The following THSD4 variants were observed in gnomAD, a reference collection of about 807,000 sequenced individuals.
THSD4 encodes the protein thrombospondin type 1 domain containing 4, also known as thrombospondin type-1 domain-containing protein 4.
Under a neutral mutation model 119.0 loss-of-function variants are expected in THSD4, and 69 were observed. That is an observed-to-expected ratio of 0.58 (90% CI 0.48 to 0.71). THSD4 has a LOEUF of 0.71. THSD4 is among the 30% of genes least tolerant of loss of function. THSD4 has a pLI of 0.00. For synonymous variants in THSD4, 524 were observed against 540.4 expected (o/e 0.97, Z 0.42); for missense variants, 1,393 against 1,391.1 (o/e 1.00, Z -0.02).
intron 3 of THSD4, among the ~76,000 whole-genome samples, chr15:71,181,545 C>T (rs1596250877): frequency 6.6e-6 from 1 of 152,194 alleles, no homozygotes; most frequent in African/African-American, 2.4e-5. Flanking sequence ...TGACTTCTTT[C>T]TGAGTATGCT....
chr15:71,225,539 C>CTTTTTTTTT (rs1040381361), intron 4 of THSD4, among the ~76,000 whole-genome samples: 3 of 105,384 alleles, frequency 2.8e-5, no homozygotes, highest in African/African-American at 1.0e-4. Flanking sequence ...TTTTCTTTTT[C>CTTTTTTTTT]TTTTTTTTTT....
chr15:71,503,234 A>G (rs1053884292), intron 7 of THSD4, among the ~76,000 whole-genome samples: 1 of 152,144 alleles, frequency 6.6e-6, no homozygotes, highest in African/African-American at 2.4e-5. Flanking sequence ...ATTGGGAATG[A>G]TCCTGGCATG....
At chr15:71,672,500 C>G (rs1022388710) in intron 8 of THSD4, among the ~76,000 whole-genome samples, 5 of 152,154 alleles carry the variant, frequency 3.3e-5, no homozygotes, top group African/African-American at 1.2e-4. Flanking sequence ...GCCTGATTGC[C>G]CTGGCCAGAA....
chr15:71,305,316 G>A (rs973985393), intron 6 of THSD4, among the ~76,000 whole-genome samples: 3 of 152,198 alleles, frequency 2.0e-5, no homozygotes, highest in Admixed American at 2.0e-4. Flanking sequence ...CTGTAAGGAT[G>A]GAATGGTAGA....
intron 8 of THSD4, among the ~76,000 whole-genome samples, chr15:71,713,786 A>G (rs115048725): frequency 2.2e-3 from 338 of 152,298 alleles, no homozygotes; most frequent in African/African-American, 7.9e-3. Context: ...TAGATTAGAA[A>G]TGATTAAGAT....
chr15:71,382,099 T>G (rs1256719212), intron 6 of THSD4, among the ~76,000 whole-genome samples: 4 of 152,084 alleles, frequency 2.6e-5, no homozygotes, highest in African/African-American at 9.7e-5. Context: ...GACAATAAGG[T>G]ATTTTAAGGA....
intron 6 of THSD4, among the ~76,000 whole-genome samples, chr15:71,266,838 G>A (rs781197696): frequency 6.6e-5 from 10 of 151,806 alleles, no homozygotes; most frequent in Non-Finnish European, 1.3e-4. Context: ...TAGCTGAATT[G>A]ATCAAGCAGA....
intron 7 of THSD4, among the ~76,000 whole-genome samples, chr15:71,508,142 T>A (rs1160320982): frequency 1.3e-5 from 2 of 152,120 alleles, no homozygotes; most frequent in African/African-American, 4.8e-5. Flanking sequence ...GACAAGTAAT[T>A]CATATAGCTC....
At chr15:71,409,310 C>T (rs1013816352) in intron 6 of THSD4, among the ~76,000 whole-genome samples, 1 of 152,158 alleles carries the variant, frequency 6.6e-6, no homozygotes, top group Non-Finnish European at 1.5e-5. Context: ...GGCTGCCTTT[C>T]ACAAACACTT....
At chr15:71,556,281 C>A (rs2049014913) in intron 7 of THSD4, among the ~76,000 whole-genome samples, 1 of 152,132 alleles carries the variant, frequency 6.6e-6, no homozygotes, top group Admixed American at 6.6e-5. Flanking sequence ...AGTGTATAAG[C>A]TTTACATTTA....
intron 7 of THSD4, among the ~76,000 whole-genome samples, chr15:71,484,531 C>T (rs1424959056): frequency 6.6e-6 from 1 of 152,288 alleles, no homozygotes. Context: ...TCAAAGGTAG[C>T]GTTATCAACC....
intron 8 of THSD4, among the ~76,000 whole-genome samples, chr15:71,691,624 C>G (rs948885576): frequency 6.6e-6 from 1 of 152,244 alleles, no homozygotes; most frequent in African/African-American, 2.4e-5. Context: ...AGAATGTACT[C>G]CTGGTTGATT....
intron 8 of THSD4, among the ~76,000 whole-genome samples, chr15:71,701,733 T>C (rs1410900263): frequency 6.6e-6 from 1 of 152,148 alleles, no homozygotes; most frequent in Non-Finnish European, 1.5e-5. Flanking sequence ...TTTATATAAT[T>C]TTGTTTATGC....
chr15:71,651,777 T>C (rs917683150), intron 7 of THSD4, among the ~76,000 whole-genome samples: 9 of 152,176 alleles, frequency 5.9e-5, no homozygotes. Flanking sequence ...CCTTCTTGTG[T>C]TTCTCAACAG....
intron 7 of THSD4, among the ~76,000 whole-genome samples, chr15:71,609,846 C>T (rs77624173): frequency 1.2e-3 from 111 of 92,552 alleles, no homozygotes; most frequent in African/African-American, 4.1e-3. Context: ...AGCAAGACTC[C>T]GTCTCAAAAA....
chr15:71,334,408 G>T (rs1415032754), intron 6 of THSD4, among the ~76,000 whole-genome samples: 1 of 152,206 alleles, frequency 6.6e-6, no homozygotes, highest in Admixed American at 6.5e-5. Flanking sequence ...GGTCACAGAA[G>T]AATTTGGGGA....
At chr15:71,706,545 T>C (rs537215717) in intron 8 of THSD4, among the ~76,000 whole-genome samples, 8 of 152,260 alleles carry the variant, frequency 5.3e-5, no homozygotes, top group African/African-American at 1.9e-4. Context: ...CCAGAGAAGG[T>C]TGGTGGACAG....
At chr15:71,566,666 C>A (rs998583351) in intron 7 of THSD4, among the ~76,000 whole-genome samples, 1 of 152,120 alleles carries the variant, frequency 6.6e-6, no homozygotes, top group Admixed American at 6.5e-5. Flanking sequence ...ATATAACTTG[C>A]TCACTAGGCC....
At chr15:71,668,508 A>T (rs905424753) in intron 8 of THSD4, among the ~76,000 whole-genome samples, 8 of 152,174 alleles carry the variant, frequency 5.3e-5, no homozygotes, top group Admixed American at 3.3e-4. Flanking sequence ...TGGGGAAAGA[A>T]GTGAAAAAAC....
Sources: allele counts gnomAD v4.1 joint callset (sites outside exome capture counted in the v4.1 genomes callset), GRCh38; gene constraint gnomAD v4.1.1; transcripts MANE v1.5; gene names NCBI Gene and HGNC (gene_info 2026-07-23, HGNC 2026-07-21).